Variants in HTRA2 observed in about 807,000 individuals in gnomAD.
HTRA2 encodes the protein serine protease HTRA2, mitochondrial.
Under a neutral mutation model 42.2 loss-of-function variants are expected in HTRA2, and 24 were observed. The observed-to-expected ratio is 0.57, with a 90% CI of 0.41 to 0.80. HTRA2 has a LOEUF of 0.80. Ranked by LOEUF, HTRA2 falls within the 30% of genes least tolerant of loss-of-function variation. The pLI is 0.00. For missense variants in HTRA2, 466 were observed against 613.5 expected, an observed-to-expected ratio of 0.76 and a Z score of 2.54; for synonymous variants, 245 against 255.8, an observed-to-expected ratio of 0.96 and a Z score of 0.40.
chr2:74,529,704 G>A (rs750012481), upstream of HTRA2: 92 of 1,535,470 alleles, frequency 6.0e-5, no homozygotes, highest in Admixed American at 2.0e-4. Context: ...CTCTTGGGAA[G>A]GCGGAGTCTT....
In HTRA2 at chr2:74,531,694, A is replaced by T; in HGVS notation, c.1037A>T (p.Glu346Val). 6.2e-7 allele frequency: 1 copy of T among 1,613,946 alleles called. No homozygotes were observed. Among genetic ancestry groups the T allele is most frequent in the Non-Finnish European group, 8.5e-7 (1 of 1,180,016 alleles). ...CTTCGAGAGTTTCTGCATCGTGGGG[A>T]AAAGAAGAGTGAGCCTGCCTTATGG... ...DRLREFLHRG[E>V]KKNSSSGISG... is the part of the protein sequence containing the mutation. The change falls in exon 5 of 8, where the codon GAA (glutamate) becomes GTA (valine). Residue 346 changes from glutamate (E) to valine (V), a missense_variant. By Grantham distance (121) the Glu-to-Val change is moderately radical. Around this residue, in one of 3 missense-constraint regions of HTRA2, gnomAD observed 129 missense variants for 163.1 expected, o/e 0.79. Coordinates refer to ENST00000258080, the MANE Select transcript of HTRA2 (RefSeq NM_013247.5).
Position 74,531,371 on chromosome 2 carries a change from GGT to G in HTRA2, c.939+2_939+3del. 1 of 1,614,092 alleles carries G rather than the reference GGT, an allele frequency of 6.2e-7. No individual in the cohort carries two copies. The highest frequency in any genetic ancestry group is 8.5e-7 in the Non-Finnish European group (1 of 1,179,944). On this transcript the variant is annotated splice_donor_variant, in intron 4 of 7. Transcript: ENST00000258080. LOFTEE classifies it high-confidence loss of function. ...ACTCTGGAGGTCCCCTGGTTAACCT[GGT>G]GAGTGAGACATCCTTCCTTCCAAGA...
chr2:74,533,530 G>A, downstream of HTRA2: 1 of 1,363,882 alleles, frequency 7.3e-7, no homozygotes, highest in Non-Finnish European at 1.0e-6. Context: ...GGGTTTCTTG[G>A]TAAGCTCCTG....
In HTRA2 at chr2:74,532,780, T is replaced by C. The variant is rs745849054; in HGVS notation, c.1212-40T>C. 8 of 1,613,686 alleles carry C rather than the reference T, an allele frequency of 5.0e-6. No individual in the cohort carries two copies. In the South Asian group the frequency reaches 8.8e-5, roughly 18 times the overall value. Reference sequence around the variant, plus strand: ...TGTGCATGTGTCCTTGAACTAGGCTTTGTACTCCTTCCTTTCTCTCTGTCC... The same window carrying C: ...TGTGCATGTGTCCTTGAACTAGGCTCTGTACTCCTTCCTTTCTCTCTGTCC... On this transcript the variant is annotated intron_variant, in intron 7 of 7. Transcript: ENST00000258080.
intron 3 of HTRA2, 42 bp downstream of exon 3, chr2:74,531,147 G>A (rs1380381696): frequency 4.4e-6 from 7 of 1,604,722 alleles, no homozygotes; most frequent in African/African-American, 4.0e-5. Context: ...ATGGGGGAGG[G>A]GGGAGAGGCT....
chr2:74,531,576 C>T (rs1675610468), intron 4 of HTRA2, 21 bp from the exon 5 acceptor site: 1 of 1,614,170 alleles, frequency 6.2e-7, no homozygotes, highest in South Asian at 1.1e-5. Flanking sequence ...GGCTAGGGAA[C>T]TGGGGGCTGT....
At position 74,531,383 on chromosome 2, in the gene HTRA2, ATCCT is replaced by A. The variant is rs1161756076; in HGVS notation, c.939+20_939+23del. On this transcript the variant is annotated intron_variant, in intron 4 of 7. Coordinates refer to ENST00000258080, the MANE Select transcript of HTRA2 (RefSeq NM_013247.5). ...CCCTGGTTAACCTGGTGAGTGAGACATCCTTCCTTCCAAGAATCCCTGCCCCAGG... is the reference window on the plus strand; with the variant it reads ...CCCTGGTTAACCTGGTGAGTGAGACATCCTTCCAAGAATCCCTGCCCCAGG... The A allele has an allele frequency of 3.1e-6, 5 of 1,613,980 alleles. No individual in the cohort carries two copies. The highest frequency in any genetic ancestry group is 1.3e-5 in the African/African-American group (1 of 75,036).
chr2:74,531,359 C>T lies in HTRA2; in HGVS notation c.927C>T (p.Pro309=), dbSNP rs1199531213. ...TACAGTTTGGAAACTCTGGAGGTCCCCTGGTTAACCTGGTGAGTGAGACAT... is the reference window on the plus strand; with the variant it reads ...TACAGTTTGGAAACTCTGGAGGTCCTCTGGTTAACCTGGTGAGTGAGACAT... ...AAIDFGNSGG[P]LVNLDGEVIG... Residue 309 remains proline, a synonymous_variant, in exon 4 of 8, where the codon CCC becomes CCT. Coordinates refer to ENST00000258080, the MANE Select transcript of HTRA2 (RefSeq NM_013247.5). 2 of 1,614,172 alleles carry T rather than the reference C, an allele frequency of 1.2e-6. No individual in the cohort carries two copies. The highest frequency in any genetic ancestry group is 2.2e-5 in the East Asian group (1 of 44,884).
chr2:74,530,616 G>A lies in HTRA2; in HGVS notation c.507-1G>A. 1 of 1,614,106 alleles carries A rather than the reference G, an allele frequency of 6.2e-7. No individual in the cohort carries two copies. The highest frequency in any genetic ancestry group is 8.5e-7 in the Non-Finnish European group (1 of 1,180,044). On this transcript the variant is annotated splice_acceptor_variant, in intron 1 of 7. Coordinates refer to ENST00000258080, the MANE Select transcript of HTRA2 (RefSeq NM_013247.5). LOFTEE classifies it high-confidence loss of function. This position sits in a 1 kb window ranked among gnomAD's most constrained non-coding sequence, Gnocchi z 7.4. Reference sequence around the variant, plus strand: ...TTATCTGTGCTTTCCCTCCATTTCAGGCACCCTTTCTTGGGCCGCGAGGTC... The same window carrying A: ...TTATCTGTGCTTTCCCTCCATTTCAAGCACCCTTTCTTGGGCCGCGAGGTC...
chr2:74,531,178 G>C, intron 3 of HTRA2, 73 bp downstream of exon 3: 1 of 1,555,224 alleles, frequency 6.4e-7, no homozygotes, highest in Non-Finnish European at 8.9e-7. Flanking sequence ...AGCACCAACT[G>C]ATATATGGTG....
Position 74,531,005 on chromosome 2 carries a change from C to G in HTRA2, c.806C>G (p.Thr269Arg). The change falls in exon 3 of 8, where the codon ACG becomes AGG. Residue 269 changes from threonine (T) to arginine (R), a missense_variant. Coordinates refer to ENST00000258080, the MANE Select transcript of HTRA2 (RefSeq NM_013247.5). ...AMGSPFALQNTITSGIVSSAQ... is the reference protein window; with the variant it reads ...AMGSPFALQNRITSGIVSSAQ... The stretch of plus-strand genomic sequence containing the variant: ...GGAAGTCCCTTTGCACTGCAGAACA[C>G]GATCACATCCGGCATTGTTAGCTCT... 6.2e-7 allele frequency: 1 copy of G among 1,614,210 alleles called. No homozygotes were observed. The highest frequency in any genetic ancestry group is 8.5e-7 in the Non-Finnish European group (1 of 1,180,042).
In HTRA2 at chr2:74,533,002, A is replaced by G. The variant is rs532095823; in HGVS notation, c.*17A>G. On this transcript the variant is annotated 3_prime_UTR_variant, in exon 8 of 8. Coordinates refer to ENST00000258080, the MANE Select transcript of HTRA2 (RefSeq NM_013247.5). Reference sequence around the variant, plus strand: ...ACAGAATGAATAGATCACCAAGAGTATGAGGCTCCTGCTCTGATTTCCTCC... The same window carrying G: ...ACAGAATGAATAGATCACCAAGAGTGTGAGGCTCCTGCTCTGATTTCCTCC... 6 of 1,612,660 alleles carry G rather than the reference A, an allele frequency of 3.7e-6. No individual in the cohort carries two copies. The South Asian group carries it at 5.5e-5, about 15-fold the overall frequency.
chr2:74,531,986 T>TG, intron 6 of HTRA2, 61 bp downstream of exon 6: 2 of 1,460,558 alleles, frequency 1.4e-6, no homozygotes, highest in Non-Finnish European at 1.9e-6. Context: ...GGGGCACCTC[T>TG]ATTGAGCTTT....
At chr2:74,532,071 A>T in intron 6 of HTRA2, 146 bp downstream of exon 6, 1 of 831,770 alleles carries the variant, frequency 1.2e-6, no homozygotes, top group African/African-American at 1.7e-5. Context: ...TCCCTTCATC[A>T]TCTTGACTTT....
Position 74,530,866 on chromosome 2 carries a change from C to A in HTRA2, c.711+45C>A. The A allele has an allele frequency of 6.2e-7, 1 of 1,614,094 alleles. No individual in the cohort carries two copies. Among genetic ancestry groups the A allele is most frequent in the Non-Finnish European group, 8.5e-7 (1 of 1,180,002 alleles). ...AGGTCTGGTTGGAGCTGCTTATTTG[C>A]TCGCATCTTCAGATGACAGGTCTCT... is the stretch of plus-strand genomic sequence containing the variant. On this transcript the variant is annotated intron_variant, in intron 2 of 7. Transcript: ENST00000258080. This position sits in a 1 kb window ranked among gnomAD's most constrained non-coding sequence, Gnocchi z 7.4.
intron 3 of HTRA2, 22 bp from the exon 4 acceptor site, chr2:74,531,317 A>T (rs768956001): frequency 6.2e-7 from 1 of 1,613,514 alleles, no homozygotes; most frequent in South Asian, 1.1e-5. Flanking sequence ...GATCTCTTTC[A>T]TGTTTTCTCC....
upstream of HTRA2, chr2:74,529,614 C>T: frequency 6.4e-7 from 1 of 1,568,610 alleles, no homozygotes; most frequent in Non-Finnish European, 8.6e-7. Context: ...GGCCCCGGCC[C>T]TGAGGGAAGC....
upstream of HTRA2, chr2:74,529,906 A>G: frequency 1.4e-6 from 2 of 1,463,522 alleles, no homozygotes; most frequent in South Asian, 2.8e-5. Flanking sequence ...CTTCTGAAGG[A>G]CTTCAGGTAC....
intron 4 of HTRA2, 94 bp downstream of exon 4, chr2:74,531,465 C>T (rs772596976): frequency 6.2e-7 from 1 of 1,606,560 alleles, no homozygotes; most frequent in Non-Finnish European, 8.5e-7. Flanking sequence ...GGTCAAGTTT[C>T]TGAGCAGTTC....
Sources: gnomAD v4.1 joint callset for allele counts on GRCh38, gnomAD v4.1.1 for gene constraint, gnomAD v4.1.1 regional missense constraint, Gnocchi (gnomAD v3.1) non-coding constraint, MANE v1.5 for transcripts, NCBI Gene and HGNC (gene_info 2026-07-23, HGNC 2026-07-21) for gene names.